Variants in ADPRHL1 observed in about 807,000 individuals in gnomAD.
The protein encoded by ADPRHL1 is ADP-ribosylhydrolase like 1, also known as inactive ADP-ribosyltransferase ARH2.
ADPRHL1 carries 43 observed loss-of-function variants against 44.1 expected under a neutral mutation model. The observed-to-expected ratio is 0.98, with a 90% CI of 0.76 to 1.26. ADPRHL1 has a LOEUF of 1.26. Among genes scored for constraint, ADPRHL1 ranks in the 50% most tolerant of loss-of-function variants. The pLI, the probability that ADPRHL1 is intolerant of heterozygous loss-of-function variation, is 0.00. For missense variants in ADPRHL1, 2,022 were observed against 2,496.9 expected (o/e 0.81, Z 4.05); for synonymous variants, 878 against 1,017.4 (o/e 0.86, Z 2.61).
At chr13:113,450,959 C>CCA (rs1555328352) in intron 1 of ADPRHL1, among the ~76,000 whole-genome samples, 3 of 151,716 alleles carry the variant, frequency 2.0e-5, no homozygotes, top group African/African-American at 7.3e-5. Flanking sequence ...GAGACCCCCC[C>CCA]CCCCTTCCTG....
At chr13:113,420,367 C>T (rs992053769) in intron 7 of ADPRHL1, among the ~76,000 whole-genome samples, 2 of 152,052 alleles carry the variant, frequency 1.3e-5, no homozygotes, top group Non-Finnish European at 2.9e-5. Context: ...GTTTGATTTG[C>T]GGATGGAGAC....
At position 113,443,436 on chromosome 13, in the gene ADPRHL1, C is replaced by G. The variant is rs2044112870; in HGVS notation, c.379+989G>C. Among the ~76,000 whole-genome samples the G allele has an allele frequency of 2.7e-5, 4 of 148,248 alleles. No homozygotes were observed. In the South Asian group the frequency reaches 8.4e-4, roughly 31 times the overall value. ...CAGCCTGGGCAACATGGTGAAACCC[C>G]TTCTCTACAGAAAAAAAAAAAACAA... On this transcript the variant is annotated intron_variant, in intron 2 of 7. Transcript: ENST00000612156.
chr13:113,447,228 GTGT>G (rs2044147468), intron 1 of ADPRHL1, among the ~76,000 whole-genome samples: 1 of 127,880 alleles, frequency 7.8e-6, no homozygotes, highest in East Asian at 2.6e-4. Context: ...TACACGCACG[GTGT>G]TGTGTGTGCA....
At chr13:113,422,802 G>T in intron 7 of ADPRHL1, 24 bp downstream of exon 7, 1 of 1,612,628 alleles carries the variant, frequency 6.2e-7, no homozygotes, top group Admixed American at 1.7e-5. Flanking sequence ...CTCTCTAGGG[G>T]GAAAGTGGCA....
chr13:113,426,941 G>A (rs2043972680), intron 4 of ADPRHL1, among the ~76,000 whole-genome samples: 1 of 152,206 alleles, frequency 6.6e-6, no homozygotes, highest in Non-Finnish European at 1.5e-5. Context: ...TTTCCGGAGG[G>A]TGTCCTACGG....
At chr13:113,418,988 C>T (rs1185555664) in intron 7 of ADPRHL1, among the ~76,000 whole-genome samples, 6 of 128,844 alleles carry the variant, frequency 4.7e-5, no homozygotes, top group African/African-American at 6.0e-5. Context: ...CCTTCCCTCC[C>T]TCCCTCCCTC....
rs2044188758 is a variant in ADPRHL1, at chr13:113,453,161, G to C, written c.214+63C>G. The C allele has an allele frequency of 6.3e-7, 1 of 1,577,248 alleles. No homozygotes were observed. The highest frequency in any genetic ancestry group is 8.7e-7 in the Non-Finnish European group (1 of 1,150,078). On this transcript the variant is annotated intron_variant, in intron 1 of 7. Transcript: ENST00000612156. This position sits in a 1 kb window ranked among gnomAD's most constrained non-coding sequence, Gnocchi z 5.4. ...TTCAAAGCTCTCGGAGGCTTACTGG[G>C]AGAACTCGAGCAGCCAGTGTTCCCT...
Position 113,405,079 on chromosome 13 carries a change from C to T in ADPRHL1, c.4203G>A (p.Pro1401=), listed in dbSNP as rs926520545. ...GGTTCAGCACAACCTTCGAGCCCGA[C>T]GGCGCCACCCTCTTCCCCGCATCCC... ...QPGDAGKRVA[P]SGSKVVLNPA... Residue 1401 remains proline, a synonymous_variant, in exon 8 of 8, where the codon CCG becomes CCA. Transcript: ENST00000612156. The T allele has an allele frequency of 3.2e-5, 39 of 1,232,056 alleles. No homozygotes were observed. The highest frequency in any genetic ancestry group is 8.4e-5 in the Admixed American group (2 of 23,708). 76.3% of individuals were successfully genotyped at this position (1,232,056 alleles called of 1,614,324 possible).
chr13:113,403,202 C>T lies in ADPRHL1; in HGVS notation c.*176G>A. 3.7e-6 allele frequency: 2 copies of T among 536,186 alleles called. No homozygotes were observed. The highest frequency in any genetic ancestry group is 7.1e-5 in the East Asian group (2 of 28,272). 33.2% of individuals were successfully genotyped at this position (536,186 alleles called of 1,614,324 possible). A position where few individuals can be genotyped will look rare whatever the true frequency, so the allele number is the denominator to read the frequency against. ...GCTCTGTGGGGTGACAGGAACCCGA[C>T]CCACATGTAGCTCAATCCTCCCAAG... On this transcript the variant is annotated 3_prime_UTR_variant, in exon 8 of 8. Coordinates refer to ENST00000612156, the MANE Select transcript of ADPRHL1 (RefSeq NM_001394807.1).
intron 7 of ADPRHL1, among the ~76,000 whole-genome samples, chr13:113,415,750 CAAAAAAAAAAAA>C (rs71214119): frequency 1.6e-5 from 1 of 63,070 alleles, no homozygotes; most frequent in African/African-American, 6.0e-5. Flanking sequence ...GACTCCATCT[CAAAAAAAAAAAA>C]AAAAAAAAAG....
At chr13:113,436,393 C>G (rs796749392) in intron 2 of ADPRHL1, among the ~76,000 whole-genome samples, 1 of 28,790 alleles carries the variant, frequency 3.5e-5, no homozygotes, top group Admixed American at 3.7e-4. Flanking sequence ...AGGTGTACCC[C>G]GGGACCCAGC....
chr13:113,418,980 T>TTCCCTCCCTCCCTCCC lies in ADPRHL1; in HGVS notation c.1061+3830_1061+3845dup, dbSNP rs1174404083. On this transcript the variant is annotated intron_variant, in intron 7 of 7. Transcript: ENST00000612156. ...GGTTGTATAATGTGCCCTCTTTTCC[T>TTCCCTCCCTCCCTCCC]TCCCTCCCTCCCTCCCTCCCTTCCT... Among the ~76,000 whole-genome samples, 479 of 105,624 alleles carry TTCCCTCCCTCCCTCCC rather than the reference T, an allele frequency of 4.5e-3. 20 individuals carry two copies. The highest frequency in any genetic ancestry group is 0.011 in the Middle Eastern group (2 of 184). 69.3% of individuals were successfully genotyped at this position (105,624 alleles called of 152,430 possible). A position where few individuals can be genotyped will look rare whatever the true frequency, so the allele number is the denominator to read the frequency against.
intron 3 of ADPRHL1, among the ~76,000 whole-genome samples, chr13:113,431,200 C>T (rs2044004414): frequency 6.6e-6 from 1 of 152,236 alleles, no homozygotes; most frequent in South Asian, 2.1e-4. Flanking sequence ...TACACCGGGG[C>T]TGTGACACTG....
chr13:113,424,648 G>A (rs1287766078), intron 5 of ADPRHL1, among the ~76,000 whole-genome samples: 1 of 5,264 alleles, frequency 1.9e-4, no homozygotes, highest in African/African-American at 6.0e-4. Context: ...TAGAGATGGG[G>A]TTAGCCACCC....
Position 113,405,040 on chromosome 13 carries a change from A to C in ADPRHL1, c.4242T>G (p.Pro1414=). 6 of 1,232,608 alleles carry C rather than the reference A, an allele frequency of 4.9e-6. No individual in the cohort carries two copies. Among genetic ancestry groups the C allele is most frequent in the Non-Finnish European group, 6.1e-6 (6 of 988,582 alleles). 76.4% of individuals were successfully genotyped at this position (1,232,608 alleles called of 1,614,324 possible). Residue 1414 remains proline, a synonymous_variant, in exon 8 of 8, where the codon CCT becomes CCG. Transcript: ENST00000612156. ...SKVVLNPAKE[P]QTWWAQDLAG... is the part of the protein sequence containing the mutation. ...CCAGATCCTGTGCCCACCATGTCTGAGGCTCTTTTGCTGGGTTCAGCACAA... is the reference window on the plus strand; with the variant it reads ...CCAGATCCTGTGCCCACCATGTCTGCGGCTCTTTTGCTGGGTTCAGCACAA...
chr13:113,410,271 G>A (rs978261917), intron 7 of ADPRHL1, among the ~76,000 whole-genome samples: 2 of 152,152 alleles, frequency 1.3e-5, no homozygotes, highest in African/African-American at 4.8e-5. Flanking sequence ...CCCAAACCCC[G>A]GTGGGCATCA....
chr13:113,410,121 T>C (rs2043841381), intron 7 of ADPRHL1: 5 of 985,284 alleles, frequency 5.1e-6, no homozygotes, highest in Non-Finnish European at 6.0e-6. Context: ...GGGCACGCGA[T>C]GACCCAGGGC....
chr13:113,422,542 A>G (rs1164931080), intron 7 of ADPRHL1: 1 of 442,650 alleles, frequency 2.3e-6, no homozygotes, highest in Non-Finnish European at 4.1e-6. Flanking sequence ...GCGCCTGTCC[A>G]GGAGACTGCG....
At chr13:113,418,287 T>C (rs2043897026) in intron 7 of ADPRHL1, among the ~76,000 whole-genome samples, 2 of 152,286 alleles carry the variant, frequency 1.3e-5, no homozygotes, top group South Asian at 4.1e-4. Context: ...TGCCACCTGC[T>C]GCATGGCTGG....
Sources: gnomAD v4.1 joint callset for allele counts (sites outside exome capture counted in the v4.1 genomes callset) on GRCh38, gnomAD v4.1.1 for gene constraint, Gnocchi (gnomAD v3.1) non-coding constraint, MANE v1.5 for transcripts, NCBI Gene and HGNC (gene_info 2026-07-23, HGNC 2026-07-21) for gene names.